NPC2: variants seen among roughly 807,000 people sequenced by gnomAD.
NPC2 encodes the protein Niemann-Pick disease type C2 protein.
Under a neutral mutation model 17.0 loss-of-function variants are expected in NPC2, and 14 were observed. The observed-to-expected ratio is 0.82, with a 90% CI of 0.54 to 1.29. NPC2 has a LOEUF of 1.29. Ranked by LOEUF, NPC2 falls within the 50% of genes most tolerant of loss-of-function variation. The probability of loss-of-function intolerance (pLI) is 0.00; values close to 1 mark genes in which losing one functional copy is unlikely to be tolerated. For synonymous variants in NPC2, 75 were observed against 69.3 expected (o/e 1.08, Z -0.41); for missense variants, 167 against 183.4 (o/e 0.91, Z 0.52).
chr14:74,493,366 A>C (rs1451194656), upstream of NPC2: 3 of 1,554,498 alleles, frequency 1.9e-6, no homozygotes, highest in Admixed American at 5.9e-5. The surrounding 1 kb of genome is among the most constrained non-coding windows in gnomAD (Gnocchi z 4.1). Flanking sequence ...GGAGGAGCCC[A>C]GTCAGGCGAC....
At chr14:74,486,164 G>T (rs1296471465) in intron 2 of NPC2, among the ~76,000 whole-genome samples, 165 bp downstream of exon 2, 2 of 152,142 alleles carry the variant, frequency 1.3e-5, no homozygotes, top group Non-Finnish European at 2.9e-5. Flanking sequence ...TGCATGAGAA[G>T]GGTGTCCAAG....
intron 1 of NPC2, among the ~76,000 whole-genome samples, chr14:74,492,514 C>T (rs938736811): frequency 1.3e-5 from 2 of 152,192 alleles, no homozygotes; most frequent in African/African-American, 4.8e-5. Context: ...CACCTCTGAA[C>T]AACATTGCTC....
chr14:74,491,926 T>C (rs1315629225), intron 1 of NPC2, among the ~76,000 whole-genome samples: 1 of 152,158 alleles, frequency 6.6e-6, no homozygotes, highest in Non-Finnish European at 1.5e-5. Context: ...GCTACGAGTT[T>C]AGGGGCCACG....
At chr14:74,486,527 T>C (rs532561462) in intron 1 of NPC2, 91 bp from the exon 2 acceptor site, 69 of 1,002,684 alleles carry the variant, frequency 6.9e-5, no homozygotes, top group Non-Finnish European at 9.7e-5. Context: ...TGCTCTGCTC[T>C]CCCATTTAGG....
intron 1 of NPC2, among the ~76,000 whole-genome samples, chr14:74,488,059 G>A (rs1394730434): frequency 6.6e-6 from 1 of 152,186 alleles, no homozygotes; most frequent in Non-Finnish European, 1.5e-5. Context: ...TGAATGGAAG[G>A]ACACCCCAAG....
intron 1 of NPC2, among the ~76,000 whole-genome samples, chr14:74,488,168 CA>C (rs1361546625): frequency 6.6e-6 from 1 of 152,172 alleles, no homozygotes; most frequent in East Asian, 1.9e-4. Flanking sequence ...CTTTGCCCCT[CA>C]CCATGATTCT....
At chr14:74,481,938 ACT>A (rs1476081249) in intron 3 of NPC2, among the ~76,000 whole-genome samples, 1 of 152,224 alleles carries the variant, frequency 6.6e-6, no homozygotes. Flanking sequence ...TGTGAGTGGC[ACT>A]GATATTCAGG....
At chr14:74,486,815 G>C (rs563610342) in intron 1 of NPC2, among the ~76,000 whole-genome samples, 13 of 152,054 alleles carry the variant, frequency 8.5e-5, no homozygotes, top group Non-Finnish European at 1.8e-4. Context: ...TAATGGTAAG[G>C]GTCACAGTTT....
chr14:74,484,335 T>A, intron 3 of NPC2, 80 bp downstream of exon 3: 1 of 1,458,560 alleles, frequency 6.9e-7, no homozygotes, highest in Non-Finnish European at 9.6e-7. Flanking sequence ...TTTACCCCCA[T>A]CTCTGCTTCT....
chr14:74,483,112 C>A, intron 3 of NPC2: 2 of 988,688 alleles, frequency 2.0e-6, no homozygotes, highest in South Asian at 1.3e-5. Flanking sequence ...AGTCAACTGC[C>A]AACAGTGTAT....
At chr14:74,483,284 A>G (rs2086674570) in intron 3 of NPC2, 13 of 1,161,520 alleles carry the variant, frequency 1.1e-5, no homozygotes, top group South Asian at 3.9e-5. Flanking sequence ...AGATGTTCCA[A>G]TGATTTTGGT....
rs1469718807 is a variant in NPC2 at position 74,486,376 on chromosome 14, T to G, written c.143A>C (p.Gln48Pro). The G allele has an allele frequency of 1.9e-6, 3 of 1,606,086 alleles. No individual in the cohort carries two copies. Among genetic ancestry groups the G allele is most frequent in the Non-Finnish European group, 2.6e-6 (3 of 1,176,302 alleles). ...NVSPCPTQPC[Q>P]LSKGQSYSVN... Reference sequence around the variant, plus strand: ...GCTGTAAGACTGTCCTTTGCTCAGCTGGCAGGGTTGGGTGGGGCATGGGCT... The same window carrying G: ...GCTGTAAGACTGTCCTTTGCTCAGCGGGCAGGGTTGGGTGGGGCATGGGCT... The change falls in exon 2 of 5, where the codon CAG becomes CCG. Residue 48 changes from glutamine (Q) to proline (P), a missense_variant. By Grantham distance (76) the Gln-to-Pro change is moderately conservative (BLOSUM62 -1). Transcript: ENST00000555619.
intron 3 of NPC2, chr14:74,482,909 G>A (rs2086669984): frequency 4.3e-6 from 2 of 468,830 alleles, no homozygotes; most frequent in Non-Finnish European, 8.1e-6. Flanking sequence ...GAGGAGGGAG[G>A]AGGGAGGAGG....
chr14:74,490,008 GGTTAGCAA>G lies in NPC2; in HGVS notation c.82+3177_82+3184del, dbSNP rs2086754775. On this transcript the variant is annotated intron_variant, in intron 1 of 4. Transcript: ENST00000555619. ...AATCTAGAATAGCTGCTCCTGGGTAGGTTAGCAAGTTCCCTTCTGACACAAAAACTGGA... is the reference window on the plus strand; with the variant it reads ...AATCTAGAATAGCTGCTCCTGGGTAGGTTCCCTTCTGACACAAAAACTGGA... Among the ~76,000 whole-genome samples the G allele has an allele frequency of 2.6e-5, 4 of 152,314 alleles. No homozygotes were observed. The South Asian group carries it at 8.3e-4, about 32-fold the overall frequency.
In NPC2 at chr14:74,480,804, G is replaced by C. The variant is rs1403469470; in HGVS notation, c.364-25C>G. On this transcript the variant is annotated intron_variant, in intron 3 of 4. Coordinates refer to ENST00000555619, the MANE Select transcript of NPC2 (RefSeq NM_006432.5). ...TCTGGAGAAAGAGAAAAATAATTGA[G>C]AAAAATGAAAATAGGACCTGACTTC... The C allele has an allele frequency of 2.5e-6, 4 of 1,581,974 alleles. No individual in the cohort carries two copies. In the East Asian group the frequency reaches 8.9e-5, roughly 35 times the overall value.
At position 74,480,477 on chromosome 14, in the gene NPC2, T is replaced by C. The variant is rs941070884; in HGVS notation, c.442-189A>G. On this transcript the variant is annotated intron_variant, in intron 4 of 4. Coordinates refer to ENST00000555619, the MANE Select transcript of NPC2 (RefSeq NM_006432.5). ...GTTAAATCAATCTCTACAGTCTCAC[T>C]CTCTCTTCTTTCCTTCAACCTTTTT... 6.6e-6 allele frequency: 5 copies of C among 760,256 alleles called. No individual in the cohort carries two copies. In the African/African-American group the frequency reaches 6.9e-5, roughly 11 times the overall value. The allele number at this position is 760,256 out of a possible 1,614,324, so 47.1% of individuals were successfully genotyped here.
intron 3 of NPC2, chr14:74,483,575 G>T: frequency 7.5e-7 from 1 of 1,326,330 alleles, no homozygotes. Context: ...ATTGGAAAGT[G>T]CCAGCATTCC....
At chr14:74,490,003 G>A (rs2086754641) in intron 1 of NPC2, among the ~76,000 whole-genome samples, 2 of 152,186 alleles carry the variant, frequency 1.3e-5, no homozygotes, top group Admixed American at 1.3e-4. Context: ...AGCTGCTCCT[G>A]GGTAGGTTAG....
chr14:74,493,148 C>T lies in NPC2; in HGVS notation c.82+45G>A. 5 of 1,576,470 alleles carry T rather than the reference C, an allele frequency of 3.2e-6. No homozygotes were observed. Among genetic ancestry groups the T allele is most frequent in the African/African-American group, 1.3e-5 (1 of 74,600 alleles). On this transcript the variant is annotated intron_variant, in intron 1 of 4. Coordinates refer to ENST00000555619, the MANE Select transcript of NPC2 (RefSeq NM_006432.5). The surrounding 1 kb of genome is among the most constrained non-coding windows in gnomAD (Gnocchi z 4.1). ...GTCTCAGCGCGGGGGTCCGGCGGGG[C>T]CTTCCACAGAGGGCGCGGGAACCTT...
Sources: gnomAD v4.1 joint callset for allele counts (sites outside exome capture counted in the v4.1 genomes callset) on GRCh38, gnomAD v4.1.1 for gene constraint, Gnocchi (gnomAD v3.1) non-coding constraint, MANE v1.5 for transcripts, NCBI Gene and HGNC (gene_info 2026-07-23, HGNC 2026-07-21) for gene names.